The following HHIPL1 variants were observed in gnomAD, a reference collection of about 807,000 sequenced individuals.
HHIPL1 encodes the protein HHIP-like protein 1.
HHIPL1 carries 43 observed loss-of-function variants against 61.8 expected under a neutral mutation model. That is an observed-to-expected ratio of 0.70 (90% CI 0.55 to 0.90). The LOEUF is 0.90. Among genes scored for constraint, HHIPL1 ranks in the 40% least tolerant of loss-of-function variants. The probability of loss-of-function intolerance (pLI) is 0.00; values close to 1 mark genes in which losing one functional copy is unlikely to be tolerated. For synonymous variants in HHIPL1, 482 were observed against 515.8 expected, an observed-to-expected ratio of 0.93 and a Z score of 0.89; for missense variants, 1,056 against 1,157.7, an observed-to-expected ratio of 0.91 and a Z score of 1.28.
chr14:99,671,035 C>T (rs900100221), intron 7 of HHIPL1, among the ~76,000 whole-genome samples: 3 of 152,202 alleles, frequency 2.0e-5, no homozygotes, highest in Admixed American at 1.3e-4. Flanking sequence ...AAGGAGTTCT[C>T]TCGCTCACGG....
intron 7 of HHIPL1, among the ~76,000 whole-genome samples, chr14:99,670,206 G>C (rs1454420446): frequency 6.6e-6 from 1 of 151,936 alleles, no homozygotes; most frequent in Non-Finnish European, 1.5e-5. Context: ...CTGCCTCCCG[G>C]GTTCAAGTGA....
chr14:99,618,727 G>A, the HHIPL1 span, among the ~76,000 whole-genome samples: 5 of 152,222 alleles, frequency 3.3e-5, no homozygotes, highest in African/African-American at 1.2e-4. Context: ...CTCTCCATGG[G>A]GCCCCTCCCA....
intron 7 of HHIPL1, chr14:99,669,335 G>T: frequency 9.9e-7 from 1 of 1,013,710 alleles, no homozygotes; most frequent in African/African-American, 1.7e-5. Context: ...CAGTCTGAAC[G>T]TCTCTTCAAC....
rs753377490 is a variant in HHIPL1, at chr14:99,679,650, T to C, written c.*4024T>C. On this transcript the variant is annotated 3_prime_UTR_variant, in exon 9 of 9. Coordinates refer to ENST00000330710, the MANE Select transcript of HHIPL1 (RefSeq NM_001127258.3). ...TGGCTCTGTGCCTCTCTGAGTCTCA[T>C]TGCAAAATAGAGGTCACCAGAAGGA... The C allele has an allele frequency of 2.0e-5, 3 of 152,222 alleles. No homozygotes were observed. The highest frequency in any genetic ancestry group is 1.9e-4 in the East Asian group (1 of 5,186). 9.4% of individuals were successfully genotyped at this position (152,222 alleles called of 1,614,324 possible). A position where few individuals can be genotyped will look rare whatever the true frequency, so the allele number is the denominator to read the frequency against.
the HHIPL1 span, among the ~76,000 whole-genome samples, chr14:99,623,190 C>T: frequency 3.3e-5 from 5 of 152,310 alleles, no homozygotes; most frequent in African/African-American, 1.2e-4. Context: ...GGCTTTTATC[C>T]TTTTAATGGT....
chr14:99,619,309 AAAATTAGCC>A, the HHIPL1 span, among the ~76,000 whole-genome samples: 31 of 151,826 alleles, frequency 2.0e-4, no homozygotes, highest in African/African-American at 7.3e-4. Context: ...AAAAATACAA[AAAATTAGCC>A]AGGTGTGGTG....
chr14:99,672,653 CTG>C (rs144660976), intron 8 of HHIPL1, among the ~76,000 whole-genome samples: 1,708 of 152,336 alleles, frequency 0.011, 25 homozygotes, highest in African/African-American at 0.039. Context: ...GCAAGGTACT[CTG>C]TGAGTTCTTG....
chr14:99,631,052 CTTTCTTTCTTTCTTTCTTTCTTTCT>C, the HHIPL1 span, among the ~76,000 whole-genome samples: 55 of 63,774 alleles, frequency 8.6e-4, no homozygotes, highest in Non-Finnish European at 5.4e-4. Flanking sequence ...GCTCCATTTT[CTTTCTTTCTTTCTTTCTTTCTTTCT>C]TTCTTTCTTT....
At chr14:99,659,335 C>T (rs1472636815) in intron 3 of HHIPL1, 93 bp from the exon 4 acceptor site, 12 of 1,023,930 alleles carry the variant, frequency 1.2e-5, no homozygotes, top group Non-Finnish European at 1.6e-5. Context: ...CCTGGCTCAG[C>T]GGTCAGCCGG....
chr14:99,615,653 G>A, the HHIPL1 span, among the ~76,000 whole-genome samples: 184 of 25,226 alleles, frequency 7.3e-3, 2 homozygotes, highest in African/African-American at 0.012. Context: ...GGAAGAGAGA[G>A]AGAGAAAGAA....
chr14:99,648,496 C>A (rs1820566026), intron 1 of HHIPL1, among the ~76,000 whole-genome samples: 1 of 152,220 alleles, frequency 6.6e-6, no homozygotes, highest in Admixed American at 6.5e-5. Flanking sequence ...TGAAGCCCCA[C>A]TGTGTCCCAC....
intron 2 of HHIPL1, among the ~76,000 whole-genome samples, chr14:99,654,260 C>T (rs1332137290): frequency 6.7e-6 from 1 of 150,170 alleles, no homozygotes; most frequent in African/African-American, 2.4e-5. Flanking sequence ...AGGTTAAAAA[C>T]TGGAGGAAGC....
chr14:99,608,997 C>T, the HHIPL1 span, among the ~76,000 whole-genome samples: 97,325 of 152,058 alleles, frequency 0.64, 34,537 homozygotes, highest in South Asian at 0.87. Context: ...TGCGATGTCT[C>T]TTCTGCTGTG....
At chr14:99,666,886 C>T (rs993974888) in intron 6 of HHIPL1, among the ~76,000 whole-genome samples, 1 of 151,908 alleles carries the variant, frequency 6.6e-6, no homozygotes, top group African/African-American at 2.4e-5. Flanking sequence ...TCCTCATCCC[C>T]CAGCCCCATC....
chr14:99,658,493 G>A (rs1322761802), intron 3 of HHIPL1, among the ~76,000 whole-genome samples: 1 of 152,174 alleles, frequency 6.6e-6, no homozygotes, highest in African/African-American at 2.4e-5. Context: ...AGGGAAAGGT[G>A]TGGGTGCTAA....
chr14:99,637,728 G>A, the HHIPL1 span, among the ~76,000 whole-genome samples: 15 of 152,190 alleles, frequency 9.9e-5, no homozygotes, highest in Non-Finnish European at 1.6e-4. Flanking sequence ...TGAGGCTCAC[G>A]TGAGGCCATG....
At chr14:99,667,231 T>A (rs1049911934) in intron 6 of HHIPL1, among the ~76,000 whole-genome samples, 3 of 152,132 alleles carry the variant, frequency 2.0e-5, no homozygotes, top group Non-Finnish European at 2.9e-5. Context: ...GGTGTGGGGC[T>A]GGGGCAGCAG....
intron 5 of HHIPL1, among the ~76,000 whole-genome samples, chr14:99,662,387 T>C (rs1403190670): frequency 6.6e-6 from 1 of 152,204 alleles, no homozygotes; most frequent in Non-Finnish European, 1.5e-5. Context: ...GGAGCTCCAG[T>C]GCTTGGCAGG....
the HHIPL1 span, among the ~76,000 whole-genome samples, chr14:99,633,468 G>A: frequency 3.3e-5 from 5 of 152,316 alleles, no homozygotes; most frequent in Non-Finnish European, 7.4e-5. Flanking sequence ...AGCCCATGGA[G>A]TGTGGGCCCC....
Sources: gnomAD v4.1 joint callset for allele counts (sites outside exome capture counted in the v4.1 genomes callset) on GRCh38, gnomAD v4.1.1 for gene constraint, MANE v1.5 for transcripts, NCBI Gene and HGNC (gene_info 2026-07-23, HGNC 2026-07-21) for gene names.